Variants in DGKB observed in about 807,000 individuals in gnomAD.
DGKB encodes the protein 90 kDa diacylglycerol kinase.
A neutral mutation model predicts 114.3 loss-of-function variants in DGKB; 67 were observed. That is an observed-to-expected ratio of 0.59 (90% CI 0.48 to 0.72). The LOEUF (loss-of-function observed/expected upper bound fraction) is 0.72, where lower values mean the gene tolerates loss of function less well. Among genes scored for constraint, DGKB ranks in the 30% least tolerant of loss-of-function variants. DGKB has a pLI of 0.00. For synonymous variants in DGKB, 398 were observed against 323.1 expected (o/e 1.23, Z -2.49); for missense variants, 907 against 975.2 (o/e 0.93, Z 0.93).
At chr7:14,567,491 T>C (rs1241927851) in intron 20 of DGKB, among the ~76,000 whole-genome samples, 1 of 87,880 alleles carries the variant, frequency 1.1e-5, no homozygotes, top group Admixed American at 2.0e-4. Flanking sequence ...TATTTATATA[T>C]TATATATAAT....
chr7:14,924,537 T>A (rs553222051), intron 1 of DGKB, among the ~76,000 whole-genome samples: 1 of 152,288 alleles, frequency 6.6e-6, no homozygotes, highest in African/African-American at 2.4e-5. Context: ...ATCCTGAAAC[T>A]CATATTTTTC....
intron 2 of DGKB, chr7:14,815,311 C>G (rs1487120811): frequency 1.3e-5 from 2 of 152,202 alleles, no homozygotes; most frequent in African/African-American, 2.4e-5. Flanking sequence ...CCAGCTCATC[C>G]TCTCTTGCTC....
intron 1 of DGKB, among the ~76,000 whole-genome samples, chr7:14,881,381 C>T (rs901546115): frequency 6.6e-6 from 1 of 152,118 alleles, no homozygotes; most frequent in Non-Finnish European, 1.5e-5. Context: ...GAAATTAACC[C>T]TTTGCCTATT....
chr7:14,566,418 G>C (rs1414758285), intron 20 of DGKB, among the ~76,000 whole-genome samples: 1 of 152,052 alleles, frequency 6.6e-6, no homozygotes, highest in South Asian at 2.1e-4. Flanking sequence ...GGGTTTATGA[G>C]GGAAGATGGC....
chr7:14,725,067 G>C (rs1402287168), intron 5 of DGKB, among the ~76,000 whole-genome samples: 3 of 152,042 alleles, frequency 2.0e-5, no homozygotes, highest in Non-Finnish European at 2.9e-5. Flanking sequence ...AGCTACCTAG[G>C]GGGCTGAGCA....
chr7:14,272,749 T>C (rs987917207), intron 23 of DGKB, among the ~76,000 whole-genome samples: 11 of 152,182 alleles, frequency 7.2e-5, no homozygotes, highest in Non-Finnish European at 1.5e-4. Context: ...TCTTAATGCA[T>C]ATTGTTGGTT....
At chr7:14,694,303 T>C (rs1353751223) in intron 8 of DGKB, 109 bp from the exon 9 acceptor site, 1 of 975,894 alleles carries the variant, frequency 1.0e-6, no homozygotes, top group Non-Finnish European at 1.5e-6. Context: ...TTGGGATAAC[T>C]GTCTTGCTAA....
chr7:14,318,038 G>T (rs1806947819), intron 23 of DGKB, among the ~76,000 whole-genome samples: 1 of 52,622 alleles, frequency 1.9e-5, no homozygotes, highest in Non-Finnish European at 4.0e-5. Flanking sequence ...AATGGGGAAA[G>T]GATTCCCTAT....
At chr7:14,670,253 A>G (rs1043482520) in intron 13 of DGKB, among the ~76,000 whole-genome samples, 3 of 151,286 alleles carry the variant, frequency 2.0e-5, no homozygotes, top group African/African-American at 4.9e-5. Context: ...AAGAGCACCT[A>G]GTCTCTTGGC....
chr7:14,252,654 C>G (rs1223527818), intron 23 of DGKB, among the ~76,000 whole-genome samples: 1 of 152,182 alleles, frequency 6.6e-6, no homozygotes, highest in East Asian at 1.9e-4. Flanking sequence ...TAGGCCTTGT[C>G]TCAAGGCCTG....
At chr7:14,631,039 C>T (rs907072339) in intron 13 of DGKB, among the ~76,000 whole-genome samples, 1 of 151,350 alleles carries the variant, frequency 6.6e-6, no homozygotes, top group African/African-American at 2.4e-5. Flanking sequence ...AAAGTTTCCC[C>T]ATGCTGGAAC....
At chr7:14,411,740 G>A (rs1264015231) in intron 21 of DGKB, among the ~76,000 whole-genome samples, 1 of 11,104 alleles carries the variant, frequency 9.0e-5, no homozygotes, top group Non-Finnish European at 4.1e-4. Flanking sequence ...TATCCTAATA[G>A]TTTCTCATCT....
chr7:14,367,902 C>T (rs1392657660), intron 21 of DGKB, among the ~76,000 whole-genome samples: 2 of 151,986 alleles, frequency 1.3e-5, no homozygotes, highest in African/African-American at 4.8e-5. Flanking sequence ...CAGCATGATC[C>T]ATTCACCGCC....
In DGKB at chr7:14,267,521, C is replaced by A. The variant is rs1292818220; in HGVS notation, c.2122+70994G>T. On this transcript the variant is annotated intron_variant, in intron 23 of 25. Coordinates refer to ENST00000402815, the MANE Select transcript of DGKB (RefSeq NM_001350709.2). ...TTATTTTTTTTGAGACGGAGTCTGGCTCTGTTGCCCAGGCTGGAGTGCAGT... is the reference window on the plus strand; with the variant it reads ...TTATTTTTTTTGAGACGGAGTCTGGATCTGTTGCCCAGGCTGGAGTGCAGT... Among the ~76,000 whole-genome samples, 6 of 149,956 alleles carry A rather than the reference C, an allele frequency of 4.0e-5. No individual in the cohort carries two copies. The Admixed American group carries it at 4.0e-4, about 10-fold the overall frequency.
chr7:14,336,141 T>G (rs113149959), intron 23 of DGKB, among the ~76,000 whole-genome samples: 1 of 152,196 alleles, frequency 6.6e-6, no homozygotes, highest in African/African-American at 2.4e-5. Flanking sequence ...AGTAGTAAAT[T>G]TTGTTTTTGG....
At chr7:14,566,646 C>G (rs753911194) in intron 20 of DGKB, among the ~76,000 whole-genome samples, 26 of 152,092 alleles carry the variant, frequency 1.7e-4, no homozygotes, top group East Asian at 3.9e-4. Context: ...ACACCATAGT[C>G]CTACAGGAGA....
chr7:14,309,379 C>T (rs1446193561), intron 23 of DGKB, among the ~76,000 whole-genome samples: 1 of 151,860 alleles, frequency 6.6e-6, no homozygotes, highest in African/African-American at 2.4e-5. Flanking sequence ...TAATTAAAAG[C>T]AAAAAGCAAA....
chr7:14,966,535 C>T (rs1358386243), intron 1 of DGKB, among the ~76,000 whole-genome samples: 1 of 151,968 alleles, frequency 6.6e-6, no homozygotes, highest in Non-Finnish European at 1.5e-5. Context: ...AACTCCTGGC[C>T]TCAAGCAATC....
intron 20 of DGKB, among the ~76,000 whole-genome samples, chr7:14,486,320 G>T (rs1783798724): frequency 6.6e-6 from 1 of 152,188 alleles, no homozygotes; most frequent in South Asian, 2.1e-4. Flanking sequence ...GTAATTGGAG[G>T]AAAGTTTACT....
Sources: gnomAD v4.1 joint callset for allele counts (sites outside exome capture counted in the v4.1 genomes callset) on GRCh38, gnomAD v4.1.1 for gene constraint, MANE v1.5 for transcripts, NCBI Gene and HGNC (gene_info 2026-07-23, HGNC 2026-07-21) for gene names.